Variants in CLOCK observed in about 807,000 individuals in gnomAD.
The protein encoded by CLOCK is clock circadian regulator.
Under a neutral mutation model 118.4 loss-of-function variants are expected in CLOCK, and 43 were observed. That is an observed-to-expected ratio of 0.36 (90% CI 0.28 to 0.47). The LOEUF (loss-of-function observed/expected upper bound fraction) is 0.47. Ranked by LOEUF, CLOCK falls within the 20% of genes least tolerant of loss-of-function variation. The probability of loss-of-function intolerance (pLI) is 1.00; values close to 1 mark genes in which losing one functional copy is unlikely to be tolerated. For missense variants in CLOCK, 846 were observed against 999.9 expected, an observed-to-expected ratio of 0.85 and a Z score of 2.08; for synonymous variants, 326 against 339.2, an observed-to-expected ratio of 0.96 and a Z score of 0.43.
intron 2 of CLOCK, chr4:55,501,598 A>T (rs898725441): frequency 6.6e-6 from 1 of 152,128 alleles, no homozygotes; most frequent in Admixed American, 6.5e-5. Flanking sequence ...ATATTTTTTT[A>T]AATTTGTCAA....
At chr4:55,457,853 C>T (rs1253171964) in intron 11 of CLOCK, among the ~76,000 whole-genome samples, 1 of 152,186 alleles carries the variant, frequency 6.6e-6, no homozygotes, top group East Asian at 1.9e-4. Context: ...AGTCACTTAA[C>T]TTCCCTAAGC....
chr4:55,536,649 G>A (rs930387297), intron 1 of CLOCK, among the ~76,000 whole-genome samples: 3 of 152,078 alleles, frequency 2.0e-5, no homozygotes, highest in Admixed American at 6.6e-5. Flanking sequence ...TTGGAGAACC[G>A]TAAGCCAATT....
intron 1 of CLOCK, among the ~76,000 whole-genome samples, chr4:55,526,839 C>A (rs1052713315): frequency 6.7e-6 from 1 of 149,382 alleles, no homozygotes; most frequent in African/African-American, 2.5e-5. Context: ...CCCAGCTACT[C>A]GGGAGGCTGA....
intron 1 of CLOCK, among the ~76,000 whole-genome samples, chr4:55,521,137 T>C (rs1010759112): frequency 6.6e-6 from 1 of 152,236 alleles, no homozygotes; most frequent in Non-Finnish European, 1.5e-5. Context: ...TTCTCAAATG[T>C]ACTAGAAAAA....
At chr4:55,479,017 A>G in intron 5 of CLOCK, 54 bp from the exon 6 acceptor site, 7 of 1,389,302 alleles carry the variant, frequency 5.0e-6, no homozygotes, top group Non-Finnish European at 7.0e-6. Context: ...TTACACAAGT[A>G]GTTTAATACA....
intron 2 of CLOCK, among the ~76,000 whole-genome samples, chr4:55,496,271 GAAA>G (rs1189841402): frequency 7.5e-6 from 1 of 133,134 alleles, no homozygotes; most frequent in East Asian, 3.0e-4. Flanking sequence ...TCTTTAAAAA[GAAA>G]AAAAAAACTG....
chr4:55,541,475 T>C (rs1289080169), intron 1 of CLOCK, among the ~76,000 whole-genome samples: 1 of 152,252 alleles, frequency 6.6e-6, no homozygotes, highest in Non-Finnish European at 1.5e-5. Flanking sequence ...AAGGTTTAGC[T>C]ACAGTGCAGA....
At chr4:55,539,137 T>C (rs1322675007) in intron 1 of CLOCK, among the ~76,000 whole-genome samples, 1 of 151,900 alleles carries the variant, frequency 6.6e-6, no homozygotes, top group Non-Finnish European at 1.5e-5. Flanking sequence ...CAGGAGGCTG[T>C]GGCATGAGAA....
rs1338995607 is a variant in CLOCK, at chr4:55,504,210, C to G, written c.-136+5702G>C. 2.8e-5 allele frequency among the ~76,000 whole-genome samples: 4 copies of G among 142,468 alleles called. No homozygotes were observed. The East Asian group carries it at 8.5e-4, about 30-fold the overall frequency. 93.5% of individuals were successfully genotyped at this position (142,468 alleles called of 152,430 possible). The stretch of plus-strand genomic sequence containing the variant: ...CTGAGGCAGGAGAATCACGTGAACC[C>G]GAGAGGTGGAGCTTGCAGTGAGCCA... On this transcript the variant is annotated intron_variant, in intron 2 of 22. Coordinates refer to ENST00000513440, the MANE Select transcript of CLOCK (RefSeq NM_004898.4).
At chr4:55,489,596 C>A (rs1727535668) in intron 2 of CLOCK, 131 bp from the exon 3 acceptor site, 1 of 151,904 alleles carries the variant, frequency 6.6e-6, no homozygotes, top group Non-Finnish European at 1.5e-5. Flanking sequence ...ATTTTAAATT[C>A]TATAAATTGT....
intron 21 of CLOCK, 168 bp downstream of exon 21, chr4:55,442,264 C>A (rs184055656): frequency 6.1e-6 from 4 of 658,564 alleles, no homozygotes; most frequent in African/African-American, 5.5e-5. Flanking sequence ...ATTATGAAGT[C>A]TTTAAACAAT....
chr4:55,450,662 C>G (rs4864993), intron 15 of CLOCK, among the ~76,000 whole-genome samples: 51,301 of 151,798 alleles, frequency 0.34, 9,359 homozygotes, highest in East Asian at 0.59. Flanking sequence ...CCAGCTACTC[C>G]GGCGGCTGAG....
chr4:55,523,329 G>A (rs1037385030), intron 1 of CLOCK, among the ~76,000 whole-genome samples: 10 of 151,794 alleles, frequency 6.6e-5, no homozygotes, highest in East Asian at 3.9e-4. Context: ...CCAGACAAAC[G>A]GACAAATGTA....
chr4:55,534,376 A>C (rs1004628783), intron 1 of CLOCK, among the ~76,000 whole-genome samples: 1 of 152,140 alleles, frequency 6.6e-6, no homozygotes, highest in Non-Finnish European at 1.5e-5. Flanking sequence ...CAATAAACCT[A>C]ATGAATACTG....
chr4:55,447,031 C>T (rs1274223596), intron 18 of CLOCK, among the ~76,000 whole-genome samples: 1 of 151,864 alleles, frequency 6.6e-6, no homozygotes, highest in Non-Finnish European at 1.5e-5. Context: ...CCTCAACTCC[C>T]TCAAGTTTTT....
At chr4:55,465,839 C>G (rs939073878) in intron 8 of CLOCK, among the ~76,000 whole-genome samples, 29 of 152,232 alleles carry the variant, frequency 1.9e-4, no homozygotes, top group Non-Finnish European at 4.4e-5. Flanking sequence ...ATAATCACAG[C>G]TACTCAGGAG....
chr4:55,524,607 T>C (rs1730055715), intron 1 of CLOCK, among the ~76,000 whole-genome samples: 1 of 152,190 alleles, frequency 6.6e-6, no homozygotes, highest in Admixed American at 6.5e-5. Flanking sequence ...TAGTTTTACT[T>C]TTTTATTTTA....
At chr4:55,471,327 A>G (rs1401945164) in intron 7 of CLOCK, among the ~76,000 whole-genome samples, 4 of 152,224 alleles carry the variant, frequency 2.6e-5, no homozygotes, top group Non-Finnish European at 1.5e-5. Flanking sequence ...GGCTTTGAAT[A>G]TAAGGTTAAG....
At chr4:55,474,584 G>C (rs1295044148) in intron 7 of CLOCK, among the ~76,000 whole-genome samples, 1 of 152,216 alleles carries the variant, frequency 6.6e-6, no homozygotes, top group Non-Finnish European at 1.5e-5. Flanking sequence ...AGAAGCCAAA[G>C]CTGGCTTCAA....
Sources: gnomAD v4.1 joint callset for allele counts (sites outside exome capture counted in the v4.1 genomes callset) on GRCh38, gnomAD v4.1.1 for gene constraint, MANE v1.5 for transcripts, NCBI Gene and HGNC (gene_info 2026-07-23, HGNC 2026-07-21) for gene names.